SAMD12: variants seen among roughly 807,000 people sequenced by gnomAD.
The protein encoded by SAMD12 is sterile alpha motif domain containing 12, also known as sterile alpha motif domain-containing protein 12.
SAMD12 carries 9 observed loss-of-function variants against 15.0 expected under a neutral mutation model. The ratio of observed to expected loss-of-function variants is 0.60; its 90% confidence interval spans 0.36 to 1.05. SAMD12 has a LOEUF of 1.05. Ranked by LOEUF, SAMD12 falls within the 50% of genes least tolerant of loss-of-function variation. The pLI is 0.01. For synonymous variants in SAMD12, 86 were observed against 90.1 expected, an observed-to-expected ratio of 0.96 and a Z score of 0.25; for missense variants, 230 against 234.2, an observed-to-expected ratio of 0.98 and a Z score of 0.12.
intron 4 of SAMD12, among the ~76,000 whole-genome samples, chr8:118,315,920 G>T (rs1453385373): frequency 6.6e-6 from 1 of 152,156 alleles, no homozygotes; most frequent in African/African-American, 2.4e-5. Context: ...AGAATGAAGA[G>T]ATCTAACTGC....
intron 4 of SAMD12, among the ~76,000 whole-genome samples, chr8:118,237,464 G>C (rs1430808380): frequency 6.6e-6 from 1 of 152,142 alleles, no homozygotes; most frequent in African/African-American, 2.4e-5. Context: ...GGTCCTAATA[G>C]CTATGTGTTG....
At chr8:118,163,711 T>C in the SAMD12 span, among the ~76,000 whole-genome samples, 1 of 151,966 alleles carries the variant, frequency 6.6e-6, no homozygotes, top group Non-Finnish European at 1.5e-5. Flanking sequence ...CCGTCTTTAC[T>C]AAAAATTCAA....
chr8:118,557,033 A>G (rs115385899), intron 2 of SAMD12, among the ~76,000 whole-genome samples: 2 of 152,160 alleles, frequency 1.3e-5, no homozygotes, highest in East Asian at 1.9e-4. Flanking sequence ...CATAAGGGCC[A>G]TAACAGAGGA....
chr8:118,393,798 C>T (rs1369019704), intron 3 of SAMD12, among the ~76,000 whole-genome samples: 1 of 151,902 alleles, frequency 6.6e-6, no homozygotes, highest in African/African-American at 2.4e-5. Context: ...GATGGTGTTT[C>T]ACCATGTTGG....
chr8:118,325,809 T>C (rs892003763), intron 4 of SAMD12, among the ~76,000 whole-genome samples: 13 of 152,192 alleles, frequency 8.5e-5, no homozygotes, highest in African/African-American at 3.1e-4. Context: ...TTAGCTGAAA[T>C]TGAACATCAA....
chr8:118,261,148 C>T (rs761085038), intron 4 of SAMD12, among the ~76,000 whole-genome samples: 6 of 151,978 alleles, frequency 3.9e-5, no homozygotes, highest in East Asian at 1.9e-4. Flanking sequence ...TCAAAGGCTC[C>T]GATTTCCTCA....
downstream of SAMD12, among the ~76,000 whole-genome samples, chr8:118,373,348 T>C (rs1819205592): frequency 6.6e-6 from 1 of 152,100 alleles, no homozygotes; most frequent in African/African-American, 2.4e-5. Flanking sequence ...ATTGCTCCAT[T>C]CTACAAAGAC....
chr8:118,401,444 C>G (rs1298510937), intron 3 of SAMD12, among the ~76,000 whole-genome samples: 1 of 151,992 alleles, frequency 6.6e-6, no homozygotes, highest in African/African-American at 2.4e-5. Context: ...AATCATAGCT[C>G]ATTGTAGCCT....
intron 1 of SAMD12, among the ~76,000 whole-genome samples, chr8:118,603,747 A>G (rs564597990): frequency 8.5e-5 from 13 of 152,340 alleles, no homozygotes; most frequent in Admixed American, 2.0e-4. Flanking sequence ...CTATGGAGCA[A>G]GTCAAGAGAA....
the SAMD12 span, among the ~76,000 whole-genome samples, chr8:118,151,044 A>T: frequency 3.5e-3 from 514 of 148,596 alleles, 6 homozygotes; most frequent in African/African-American, 0.012. Flanking sequence ...CTCTAAAAAA[A>T]TTTTTTTTTT....
exon 5 of SAMD12, chr8:118,192,063 C>A (rs1370149768): frequency 3.3e-5 from 5 of 151,276 alleles, no homozygotes; most frequent in Non-Finnish European, 7.4e-5. Context: ...AGGACAGGAC[C>A]AACCCTGAGG....
the SAMD12 span, among the ~76,000 whole-genome samples, chr8:118,166,538 A>T: frequency 2.0e-5 from 3 of 152,330 alleles, no homozygotes; most frequent in African/African-American, 7.2e-5. Flanking sequence ...TTTGTACTTT[A>T]AAAGAGCCTT....
intron 4 of SAMD12, among the ~76,000 whole-genome samples, chr8:118,212,149 G>T (rs1163353126): frequency 1.3e-5 from 2 of 151,522 alleles, no homozygotes; most frequent in Non-Finnish European, 2.9e-5. Flanking sequence ...TAGAGATGGG[G>T]GTCTCACTAT....
At chr8:118,493,656 T>C (rs1824514775) in intron 2 of SAMD12, among the ~76,000 whole-genome samples, 1 of 152,118 alleles carries the variant, frequency 6.6e-6, no homozygotes, top group African/African-American at 2.4e-5. Flanking sequence ...ATCATTCTGG[T>C]TCATCTCTTA....
In SAMD12 at chr8:118,425,636, T is replaced by G. The variant is rs931264112; in HGVS notation, c.322+14196A>C. On this transcript the variant is annotated intron_variant, in intron 3 of 3. Transcript: ENST00000314727. ...AGAGTATAAAGCTCAGCATTCACAATGTAAGCAGATGCAGATGTCTGATCA... is the reference window on the plus strand; with the variant it reads ...AGAGTATAAAGCTCAGCATTCACAAGGTAAGCAGATGCAGATGTCTGATCA... Among the ~76,000 whole-genome samples the G allele has an allele frequency of 2.6e-5, 4 of 152,314 alleles. No homozygotes were observed. In the East Asian group the frequency reaches 7.7e-4, roughly 29 times the overall value.
chr8:118,177,239 ATTTTTT>A, the SAMD12 span, among the ~76,000 whole-genome samples: 4 of 137,074 alleles, frequency 2.9e-5, no homozygotes, highest in African/African-American at 8.0e-5. Context: ...GCCACAGAGA[ATTTTTT>A]TTTTTTTTTT....
the SAMD12 span, among the ~76,000 whole-genome samples, chr8:118,146,413 C>T: frequency 6.6e-5 from 10 of 152,168 alleles, no homozygotes; most frequent in African/African-American, 2.2e-4. Flanking sequence ...GCAGCATAAC[C>T]ACATACAATA....
intron 4 of SAMD12, among the ~76,000 whole-genome samples, chr8:118,250,691 T>C (rs533126096): frequency 2.0e-5 from 3 of 152,046 alleles, no homozygotes; most frequent in Admixed American, 1.3e-4. Flanking sequence ...TTTTTATTTT[T>C]GGTATTTTTT....
chr8:118,602,934 A>G (rs929088686), intron 1 of SAMD12, among the ~76,000 whole-genome samples: 2 of 152,200 alleles, frequency 1.3e-5, no homozygotes, highest in Admixed American at 6.5e-5. Context: ...TAAGAAAATA[A>G]AAATATCATT....
Sources: allele counts gnomAD v4.1 joint callset (sites outside exome capture counted in the v4.1 genomes callset), GRCh38; gene constraint gnomAD v4.1.1; transcripts MANE v1.5; gene names NCBI Gene and HGNC (gene_info 2026-07-23, HGNC 2026-07-21).